The following DDX60 variants were observed in gnomAD, a reference collection of about 807,000 sequenced individuals.
DDX60 encodes DExD/H-box helicase 60, also known as probable ATP-dependent RNA helicase DDX60.
Under a neutral mutation model 212.8 loss-of-function variants are expected in DDX60, and 165 were observed. That is an observed-to-expected ratio of 0.78 (90% CI 0.68 to 0.88). The LOEUF is 0.88. DDX60 is among the 40% of genes least tolerant of loss of function. The pLI is 0.00. For synonymous variants in DDX60, 703 were observed against 685.3 expected (o/e 1.03, Z -0.40); for missense variants, 1,905 against 2,003.9 (o/e 0.95, Z 0.94).
chr4:168,262,699 C>A lies in DDX60; in HGVS notation c.3128G>T (p.Ser1043Ile), dbSNP rs1475097832. 1.5e-5 allele frequency: 24 copies of A among 1,611,632 alleles called. No individual in the cohort carries two copies. The highest frequency in any genetic ancestry group is 2.0e-5 in the Non-Finnish European group (24 of 1,178,602). The part of the protein sequence containing the change: ...LYDAMFQIWK[S>I]WPRAQELCPE... ...ATTATTTACCTGGGCCCGAGGCCAA[C>A]TTTTCCAAATTTGAAACATGGCATC... The change falls in exon 23 of 38, where the codon AGT (serine) becomes ATT (isoleucine). Residue 1043 changes from serine (S) to isoleucine (I), a missense_variant. Ser to Ile is a moderately radical substitution (Grantham distance 142, BLOSUM62 -2). Transcript: ENST00000393743.
chr4:168,267,920 A>T lies in DDX60; in HGVS notation c.2850T>A (p.Ala950=). Residue 950 remains alanine, a synonymous_variant, in exon 21 of 38, where the codon GCT becomes GCA. Transcript: ENST00000393743. ...CCTGACGACCCACATGTCTTTTAGAAGCGGTATTATTTTCAATTATTTTGT... is the reference window on the plus strand; with the variant it reads ...CCTGACGACCCACATGTCTTTTAGATGCGGTATTATTTTCAATTATTTTGT... ...QEDKIIENNT[A]SKRHVGRQAG... is the part of the protein sequence containing the mutation. The T allele has an allele frequency of 6.2e-7, 1 of 1,613,336 alleles. No individual in the cohort carries two copies. The highest frequency in any genetic ancestry group is 8.5e-7 in the Non-Finnish European group (1 of 1,179,500).
chr4:168,251,192 T>A, intron 27 of DDX60, 86 bp from the exon 28 acceptor site: 1 of 1,315,620 alleles, frequency 7.6e-7, no homozygotes, highest in Non-Finnish European at 1.0e-6. Flanking sequence ...GCATACTATG[T>A]AATAATTTGG....
intron 1 of DDX60, among the ~76,000 whole-genome samples, chr4:168,312,914 C>A (rs912085203): frequency 6.6e-6 from 1 of 151,952 alleles, no homozygotes; most frequent in Non-Finnish European, 1.5e-5. Context: ...GTTTAGGGAC[C>A]CTTAATGGAG....
chr4:168,302,393 A>G lies in DDX60; in HGVS notation c.630T>C (p.Ala210=), dbSNP rs2149546149. The G allele has an allele frequency of 6.4e-7, 1 of 1,561,510 alleles. No individual in the cohort carries two copies. The highest frequency in any genetic ancestry group is 1.2e-5 in the South Asian group (1 of 80,598). The change falls in exon 6 of 38, where the codon GCT becomes GCC. Residue 210 remains alanine (A), a synonymous_variant. Coordinates refer to ENST00000393743, the MANE Select transcript of DDX60 (RefSeq NM_017631.6). ...SWKNKQNIKD[A]YTTLLNQLER... ...CCAACTGGTTAAGCAGGGTTGTATA[A>G]GCATCTTTAATGTTCTGCTTATTCT...
chr4:168,236,461 T>C (rs1733634954), intron 32 of DDX60, 88 bp from the exon 33 acceptor site: 1 of 1,206,886 alleles, frequency 8.3e-7, no homozygotes, highest in African/African-American at 1.6e-5. Flanking sequence ...TTACATTTAA[T>C]TTCATGGAAA....
intron 34 of DDX60, among the ~76,000 whole-genome samples, chr4:168,224,686 T>C (rs537725984): frequency 5.9e-5 from 9 of 152,192 alleles, no homozygotes; most frequent in South Asian, 4.1e-4. Flanking sequence ...CAGAGAATTA[T>C]TGTTATTACC....
chr4:168,245,520 C>G (rs951432252), intron 30 of DDX60, among the ~76,000 whole-genome samples: 3 of 152,150 alleles, frequency 2.0e-5, no homozygotes, highest in Admixed American at 6.5e-5. Flanking sequence ...AGAAGATGTA[C>G]TCCTCTTTAT....
At position 168,273,988 on chromosome 4, in the gene DDX60, C is replaced by T; in HGVS notation, c.2400G>A (p.Glu800=). Residue 800 remains glutamate (E), a synonymous_variant, in exon 17 of 38, where the codon GAG becomes GAA. Coordinates refer to ENST00000393743, the MANE Select transcript of DDX60 (RefSeq NM_017631.6). ...CGTCGTCGCTCTCCTTCAGCACTTT[C>T]TCCATACAGTAGTAGGAGGCATAGG... The part of the protein sequence containing the change: ...GKTYASYYCM[E]KVLKESDDGV... The T allele has an allele frequency of 6.2e-7, 1 of 1,614,212 alleles. No homozygotes were observed. The highest frequency in any genetic ancestry group is 1.1e-5 in the South Asian group (1 of 91,086).
At chr4:168,254,439 G>C (rs917160662) in intron 26 of DDX60, among the ~76,000 whole-genome samples, 1 of 152,102 alleles carries the variant, frequency 6.6e-6, no homozygotes, top group Admixed American at 6.6e-5. Context: ...GCAAATTCTA[G>C]TTTGCTCTAG....
chr4:168,267,947 T>G lies in DDX60; in HGVS notation c.2823A>C (p.Glu941Asp). The change falls in exon 21 of 38, where the codon GAA becomes GAC. Residue 941 changes from glutamate to aspartate, a missense_variant. Transcript: ENST00000393743. The part of the protein sequence containing the change: ...LQSVKWYWKQ[E>D]DKIIENNTAS... ...CGGTATTATTTTCAATTATTTTGTCTTCTTGTTTCCAGTACCATTTTACCG... is the reference window on the plus strand; with the variant it reads ...CGGTATTATTTTCAATTATTTTGTCGTCTTGTTTCCAGTACCATTTTACCG... The G allele has an allele frequency of 3.1e-6, 5 of 1,613,084 alleles. No individual in the cohort carries two copies. Among genetic ancestry groups the G allele is most frequent in the Non-Finnish European group, 4.2e-6 (5 of 1,179,392 alleles).
At chr4:168,261,878 C>A in intron 24 of DDX60, 122 bp downstream of exon 24, 1 of 1,164,652 alleles carries the variant, frequency 8.6e-7, no homozygotes, top group Non-Finnish European at 1.2e-6. Context: ...ACTTCAAGTT[C>A]AACTTAAATT....
intron 35 of DDX60, 96 bp downstream of exon 35, chr4:168,224,147 A>T: frequency 1.4e-6 from 2 of 1,389,046 alleles, no homozygotes; most frequent in Admixed American, 4.3e-5. Flanking sequence ...TTTCCTTTTT[A>T]AGCTGGGAAA....
At chr4:168,308,536 TC>T (rs1736991283) in intron 3 of DDX60, among the ~76,000 whole-genome samples, 1 of 151,982 alleles carries the variant, frequency 6.6e-6, no homozygotes, top group Admixed American at 6.6e-5. Flanking sequence ...ACAAGTGGAT[TC>T]ACTGATGGCT....
intron 1 of DDX60, among the ~76,000 whole-genome samples, chr4:168,312,391 T>G (rs889339390): frequency 3.9e-5 from 6 of 152,164 alleles, no homozygotes; most frequent in Non-Finnish European, 7.4e-5. Flanking sequence ...AGGTAAGTCA[T>G]CTGAGTATTA....
At chr4:168,274,708 G>C (rs922497550) in intron 16 of DDX60, among the ~76,000 whole-genome samples, 2 of 152,088 alleles carry the variant, frequency 1.3e-5, no homozygotes, top group African/African-American at 4.8e-5. Context: ...GCAAGGAACC[G>C]GTCTTCCTAT....
At position 168,288,238 on chromosome 4, in the gene DDX60, A is replaced by G. The variant is rs372261006; in HGVS notation, c.1119T>C (p.Ser373=). The G allele has an allele frequency of 7.3e-5, 111 of 1,517,792 alleles. No individual in the cohort carries two copies. The highest frequency in any genetic ancestry group is 9.3e-5 in the Non-Finnish European group (103 of 1,109,482). The allele number at this position is 1,517,792 out of a possible 1,614,324, so 94.0% of individuals were successfully genotyped here. Residue 373 remains serine, a synonymous_variant, in exon 9 of 38, where the codon TCT becomes TCC. Transcript: ENST00000393743. ...EFWNLNLIHL[S]DLNDELLLKN... is the part of the protein sequence containing the mutation. ...TCAACAAAAGCTCATCATTTAAGTC[A>G]GAAAGGTGAATTAAATTCAGATTCC...
At chr4:168,300,454 T>C (rs1186764829) in intron 6 of DDX60, among the ~76,000 whole-genome samples, 1 of 151,694 alleles carries the variant, frequency 6.6e-6, no homozygotes, top group Non-Finnish European at 1.5e-5. Flanking sequence ...GCAGAAGAAG[T>C]GCTTGAACCT....
intron 8 of DDX60, among the ~76,000 whole-genome samples, 172 bp from the exon 9 acceptor site, chr4:168,288,487 G>T (rs1263047920): frequency 6.6e-6 from 1 of 152,122 alleles, no homozygotes; most frequent in African/African-American, 2.4e-5. Context: ...AGGAATTAAA[G>T]CATAAAATAA....
intron 7 of DDX60, 143 bp from the exon 8 acceptor site, chr4:168,292,049 C>CTTTCCATT: frequency 3.3e-6 from 1 of 302,362 alleles, no homozygotes; most frequent in Non-Finnish European, 5.6e-6. Flanking sequence ...TTCTTTCTTT[C>CTTTCCATT]TTTTTTTTTT....
Sources: gnomAD v4.1 joint callset for allele counts (sites outside exome capture counted in the v4.1 genomes callset) on GRCh38, gnomAD v4.1.1 for gene constraint, MANE v1.5 for transcripts, NCBI Gene and HGNC (gene_info 2026-07-23, HGNC 2026-07-21) for gene names.